The following CCDC148 variants were observed in gnomAD, a reference collection of about 807,000 sequenced individuals.
CCDC148 encodes the protein coiled-coil domain-containing protein 148.
A neutral mutation model predicts 85.7 loss-of-function variants in CCDC148; 89 were observed. That is an observed-to-expected ratio of 1.04 (90% CI 0.87 to 1.24). The LOEUF (loss-of-function observed/expected upper bound fraction) is 1.24, where lower values mean the gene tolerates loss of function less well. CCDC148 is among the 50% of genes most tolerant of loss of function. CCDC148 has a pLI of 0.00. For synonymous variants in CCDC148, 230 were observed against 213.9 expected (o/e 1.08, Z -0.66); for missense variants, 692 against 671.7 (o/e 1.03, Z -0.33).
chr2:158,220,864 T>G, intron 10 of CCDC148, 151 bp from the exon 11 acceptor site: 1 of 581,582 alleles, frequency 1.7e-6, no homozygotes, highest in Non-Finnish European at 2.9e-6. Flanking sequence ...TATAATACAT[T>G]GGCAACAGAA....
chr2:158,277,017 C>A (rs1253743871), intron 9 of CCDC148, among the ~76,000 whole-genome samples: 1 of 152,178 alleles, frequency 6.6e-6, no homozygotes, highest in Non-Finnish European at 1.5e-5. Flanking sequence ...ATGCAAATCA[C>A]AGAAGTTTAG....
At chr2:158,179,963 C>T (rs531879349) in intron 11 of CCDC148, among the ~76,000 whole-genome samples, 1 of 152,284 alleles carries the variant, frequency 6.6e-6, no homozygotes, top group Non-Finnish European at 1.5e-5. Flanking sequence ...GCTCCTTGGC[C>T]CTCCTCTGCT....
chr2:158,399,288 T>A (rs769421686), intron 1 of CCDC148, among the ~76,000 whole-genome samples: 3 of 152,084 alleles, frequency 2.0e-5, no homozygotes, highest in African/African-American at 7.2e-5. Context: ...GCCAGCATCA[T>A]CCTTATACAA....
intron 10 of CCDC148, among the ~76,000 whole-genome samples, chr2:158,224,364 G>C (rs1687374091): frequency 6.6e-6 from 1 of 152,224 alleles, no homozygotes; most frequent in South Asian, 2.1e-4. Flanking sequence ...GTGATGGGGA[G>C]AATGGAAACA....
chr2:158,395,915 A>G (rs1685501798), intron 1 of CCDC148, among the ~76,000 whole-genome samples: 1 of 152,148 alleles, frequency 6.6e-6, no homozygotes, highest in Non-Finnish European at 1.5e-5. Flanking sequence ...TACAATCATT[A>G]TTACTTATGT....
At chr2:158,420,346 A>G (rs149089565) in intron 1 of CCDC148, among the ~76,000 whole-genome samples, 7,089 of 152,240 alleles carry the variant, frequency 0.047, 249 homozygotes, top group Non-Finnish European at 0.063. Context: ...AGAAAGGTCG[A>G]GTTACTCACA....
At chr2:158,416,964 T>C (rs1391355701) in intron 1 of CCDC148, among the ~76,000 whole-genome samples, 1 of 152,106 alleles carries the variant, frequency 6.6e-6, no homozygotes, top group Non-Finnish European at 1.5e-5. Context: ...CTTACAATCA[T>C]GGCAGAAGGG....
intron 1 of CCDC148, among the ~76,000 whole-genome samples, chr2:158,372,290 C>A (rs1684475261): frequency 1.3e-5 from 2 of 152,006 alleles, no homozygotes; most frequent in Non-Finnish European, 2.9e-5. Flanking sequence ...CACTGACTGT[C>A]TCGAAATTCT....
At chr2:158,258,503 A>G (rs1056495669) in intron 9 of CCDC148, among the ~76,000 whole-genome samples, 2 of 151,858 alleles carry the variant, frequency 1.3e-5, no homozygotes, top group African/African-American at 4.8e-5. Context: ...TTAACCACTT[A>G]GAACCTCAGG....
intron 2 of CCDC148, among the ~76,000 whole-genome samples, chr2:158,354,982 T>A (rs1574679584): frequency 6.6e-6 from 1 of 152,058 alleles, no homozygotes; most frequent in African/African-American, 2.4e-5. Context: ...AAAAACCACA[T>A]CATTATCTCA....
chr2:158,203,784 C>T (rs907850452), intron 11 of CCDC148, among the ~76,000 whole-genome samples: 3 of 152,056 alleles, frequency 2.0e-5, no homozygotes, highest in African/African-American at 7.3e-5. Flanking sequence ...TCAGGAGATG[C>T]GTATGTACCT....
intron 9 of CCDC148, among the ~76,000 whole-genome samples, chr2:158,290,449 T>C (rs550472481): frequency 3.9e-5 from 6 of 152,296 alleles, no homozygotes; most frequent in African/African-American, 1.4e-4. Context: ...AGCCACACTG[T>C]TCTAATTGCT....
At chr2:158,269,790 T>G (rs544760308) in intron 9 of CCDC148, among the ~76,000 whole-genome samples, 52 of 152,322 alleles carry the variant, frequency 3.4e-4, no homozygotes, top group African/African-American at 1.1e-3. Context: ...TCTACTTTTC[T>G]TCCTTGATGT....
intron 11 of CCDC148, among the ~76,000 whole-genome samples, chr2:158,180,728 G>A (rs1684857583): frequency 6.6e-6 from 1 of 152,034 alleles, no homozygotes; most frequent in Non-Finnish European, 1.5e-5. Context: ...ATGCTCCTGG[G>A]GAGGAATACC....
At chr2:158,447,179 C>T (rs1688192075) in intron 1 of CCDC148, 2 of 152,084 alleles carry the variant, frequency 1.3e-5, no homozygotes, top group Non-Finnish European at 2.9e-5. Context: ...GAATAGGCCT[C>T]TCTACATTGC....
At chr2:158,221,399 A>G (rs771086722) in intron 10 of CCDC148, among the ~76,000 whole-genome samples, 23 of 152,220 alleles carry the variant, frequency 1.5e-4, no homozygotes, top group Non-Finnish European at 2.5e-4. Context: ...AGCTATTTTC[A>G]GGGAGCTGAA....
chr2:158,387,234 C>A (rs1434078617), intron 1 of CCDC148, among the ~76,000 whole-genome samples: 7 of 152,010 alleles, frequency 4.6e-5, no homozygotes. Flanking sequence ...GTCACTACTT[C>A]TAGGCTCACC....
chr2:158,220,365 G>T (rs540169348), intron 11 of CCDC148, among the ~76,000 whole-genome samples: 40 of 152,298 alleles, frequency 2.6e-4, no homozygotes, highest in African/African-American at 8.9e-4. Context: ...CTCTGTGAGG[G>T]TTTTAACTAG....
At chr2:158,444,201 A>ACT (rs1178122188) in intron 1 of CCDC148, among the ~76,000 whole-genome samples, 1 of 150,718 alleles carries the variant, frequency 6.6e-6, no homozygotes, top group Non-Finnish European at 1.5e-5. Context: ...ATGCATACAC[A>ACT]CACATATATA....
Sources: gnomAD v4.1 joint callset for allele counts (sites outside exome capture counted in the v4.1 genomes callset) on GRCh38, gnomAD v4.1.1 for gene constraint, MANE v1.5 for transcripts, NCBI Gene and HGNC (gene_info 2026-07-23, HGNC 2026-07-21) for gene names.